Variants in RYR2 observed in about 807,000 individuals in gnomAD.
RYR2 encodes cardiac muscle ryanodine receptor-calcium release channel.
RYR2 carries 227 observed loss-of-function variants against 601.1 expected under a neutral mutation model. That is an observed-to-expected ratio of 0.38 (90% CI 0.34 to 0.42). The LOEUF (loss-of-function observed/expected upper bound fraction) is 0.42. RYR2 is among the 10% of genes least tolerant of loss of function. The pLI is 1.00. For synonymous variants in RYR2, 2,223 were observed against 2,175.1 expected (o/e 1.02, Z -0.61); for missense variants, 4,646 against 6,156.5 (o/e 0.75, Z 8.21).
intron 1 of RYR2, among the ~76,000 whole-genome samples, chr1:237,071,147 A>T (rs1207805451): frequency 6.6e-6 from 1 of 152,016 alleles, no homozygotes; most frequent in Non-Finnish European, 1.5e-5. Flanking sequence ...CTCTCATGAG[A>T]CCTGAAGTGG....
intron 63 of RYR2, among the ~76,000 whole-genome samples, chr1:237,688,271 A>G (rs746374365): frequency 1.3e-5 from 2 of 152,182 alleles, no homozygotes; most frequent in Non-Finnish European, 2.9e-5. Context: ...ACAGTGTTGG[A>G]GTAATTTTAG....
At chr1:237,822,529 G>A (rs756656149) in intron 101 of RYR2, among the ~76,000 whole-genome samples, 3 of 152,088 alleles carry the variant, frequency 2.0e-5, no homozygotes, top group African/African-American at 7.2e-5. Flanking sequence ...CCTGAAGGAA[G>A]CATTAAACAT....
At chr1:237,761,151 T>C (rs1693402382) in intron 84 of RYR2, 123 bp downstream of exon 84, 1 of 673,496 alleles carries the variant, frequency 1.5e-6, no homozygotes, top group African/African-American at 1.8e-5. Flanking sequence ...AATGCTTACA[T>C]GACTCATTTC....
At chr1:237,742,466 A>G (rs1691701130) in intron 80 of RYR2, 117 bp downstream of exon 80, 3 of 790,028 alleles carry the variant, frequency 3.8e-6, no homozygotes, top group African/African-American at 1.7e-5. Flanking sequence ...TGTGTCAAGG[A>G]ACTGCATGTC....
At chr1:237,204,828 A>C (rs546205798) in intron 1 of RYR2, among the ~76,000 whole-genome samples, 1 of 152,222 alleles carries the variant, frequency 6.6e-6, no homozygotes, top group South Asian at 2.1e-4. Context: ...TATGCTGGGC[A>C]TTGGTGAGCT....
chr1:237,821,482 A>G (rs868829066), intron 101 of RYR2, among the ~76,000 whole-genome samples: 1 of 152,216 alleles, frequency 6.6e-6, no homozygotes, highest in Middle Eastern at 3.4e-3. Flanking sequence ...TATCAACATC[A>G]ACAAAAAGGA....
At chr1:237,765,331 G>T (rs549310485) in intron 84 of RYR2, among the ~76,000 whole-genome samples, 42 of 144,204 alleles carry the variant, frequency 2.9e-4, no homozygotes, top group African/African-American at 9.8e-4. Context: ...TTTTTTTTTT[G>T]ATCATGAGGT....
chr1:237,594,644 T>C (rs1675600844), intron 33 of RYR2, among the ~76,000 whole-genome samples: 1 of 152,110 alleles, frequency 6.6e-6, no homozygotes, highest in African/African-American at 2.4e-5. Context: ...TTTATGTAGA[T>C]AGTGTGAAGA....
chr1:237,045,254 C>CT (rs1213135604), intron 1 of RYR2, among the ~76,000 whole-genome samples: 1 of 152,050 alleles, frequency 6.6e-6, no homozygotes, highest in Non-Finnish European at 1.5e-5. Context: ...TTTTGCTTTT[C>CT]TTTTTTTAGA....
At chr1:237,554,027 A>G (rs1034198291) in intron 27 of RYR2, among the ~76,000 whole-genome samples, 1 of 151,956 alleles carries the variant, frequency 6.6e-6, no homozygotes, top group East Asian at 1.9e-4. Flanking sequence ...TTGAACTGGT[A>G]AAGAATTCAG....
chr1:237,119,021 A>T (rs1436756151), intron 1 of RYR2, among the ~76,000 whole-genome samples: 2 of 152,112 alleles, frequency 1.3e-5, no homozygotes, highest in East Asian at 3.9e-4. Context: ...GGGCTGAATG[A>T]TGTTCTTCCA....
At chr1:237,294,229 T>C (rs1350323825) in intron 2 of RYR2, among the ~76,000 whole-genome samples, 1 of 152,086 alleles carries the variant, frequency 6.6e-6, no homozygotes, top group Admixed American at 6.5e-5. Flanking sequence ...ACATTTCTTA[T>C]TATATCACAG....
At chr1:237,370,718 T>G (rs1700568956) in intron 6 of RYR2, among the ~76,000 whole-genome samples, 1 of 150,280 alleles carries the variant, frequency 6.7e-6, no homozygotes, top group South Asian at 2.1e-4. Context: ...TGGAGTGCAG[T>G]GGCGCGATCT....
At chr1:237,287,846 G>A (rs1691732082) in intron 2 of RYR2, among the ~76,000 whole-genome samples, 1 of 152,134 alleles carries the variant, frequency 6.6e-6, no homozygotes, top group Non-Finnish European at 1.5e-5. Context: ...GGAGCCATTG[G>A]TGGTGAACTA....
rs925465750 is a variant in RYR2, at chr1:237,084,216, A to G, written c.48+41647A>G. 2.6e-5 allele frequency among the ~76,000 whole-genome samples: 4 copies of G among 152,186 alleles called. 1 individual carries two copies. Among genetic ancestry groups the G allele is most frequent in the East Asian group, 1.9e-4 (1 of 5,188 alleles). On this transcript the variant is annotated intron_variant, in intron 1 of 104. Coordinates refer to ENST00000366574, the MANE Select transcript of RYR2 (RefSeq NM_001035.3). The stretch of plus-strand genomic sequence containing the variant: ...CATACCCATTTTCACCTGGATGCTC[A>G]TGGTATTTCAAATTCGGCTTATCCC...
intron 71 of RYR2, among the ~76,000 whole-genome samples, chr1:237,714,551 T>C (rs1689101210): frequency 6.6e-6 from 1 of 152,206 alleles, no homozygotes; most frequent in South Asian, 2.1e-4. Flanking sequence ...GTTTGATGTC[T>C]TTCTTGCCAT....
At chr1:237,755,832 A>G (rs1213166573) in intron 80 of RYR2, among the ~76,000 whole-genome samples, 1 of 152,214 alleles carries the variant, frequency 6.6e-6, no homozygotes, top group Non-Finnish European at 1.5e-5. Flanking sequence ...AAACTTCAAG[A>G]CATCTCAGTT....
In RYR2 at chr1:237,330,957, C is replaced by T; in HGVS notation, c.248C>T (p.Ala83Val). 6.2e-7 allele frequency: 1 copy of T among 1,613,978 alleles called. No individual in the cohort carries two copies. Among genetic ancestry groups the T allele is most frequent in the Non-Finnish European group, 8.5e-7 (1 of 1,179,874 alleles). Residue 83 changes from alanine to valine, a missense_variant, in exon 3 of 105, where the codon GCT becomes GTT. By Grantham distance (64) the Ala-to-Val change is moderately conservative (BLOSUM62 0). This residue lies in a region of RYR2 where 153 missense variants were observed against 203.6 expected (regional missense o/e 0.75). Transcript: ENST00000366574. ...LSVRALQEMLANTVEKSEGQV... is the reference protein window; with the variant it reads ...LSVRALQEMLVNTVEKSEGQV... ...GTCCGGGCGCTGCAGGAGATGCTGG[C>T]TAACACCGTGGAGAAATCAGAAGGG...
chr1:237,359,735 T>C (rs1470161074), intron 4 of RYR2, among the ~76,000 whole-genome samples: 4 of 152,154 alleles, frequency 2.6e-5, no homozygotes, highest in African/African-American at 7.2e-5. Flanking sequence ...CAGCTGTGCA[T>C]CTGTTTAATC....
Sources: allele counts gnomAD v4.1 joint callset (sites outside exome capture counted in the v4.1 genomes callset), GRCh38; gene constraint gnomAD v4.1.1; regional missense constraint gnomAD v4.1.1; transcripts MANE v1.5; gene names NCBI Gene and HGNC (gene_info 2026-07-23, HGNC 2026-07-21).